PGM1: variants seen among roughly 807,000 people sequenced by gnomAD.
The protein encoded by PGM1 is phosphoglucomutase 1.
In PGM1, 52 loss-of-function variants were observed where a neutral mutation model predicts 55.6. That is an observed-to-expected ratio of 0.94 (90% confidence interval 0.75 to 1.18). The LOEUF is 1.18. PGM1 is among the 50% of genes most tolerant of loss of function. The pLI is 0.00. For missense variants in PGM1, 724 were observed against 729.3 expected, an observed-to-expected ratio of 0.99 and a Z score of 0.08; for synonymous variants, 287 against 271.7, an observed-to-expected ratio of 1.06 and a Z score of -0.55.
intron 9 of PGM1, among the ~76,000 whole-genome samples, chr1:63,653,284 G>A (rs917988366): frequency 6.6e-6 from 1 of 152,156 alleles, no homozygotes; most frequent in African/African-American, 2.4e-5. Context: ...GAATTTTAGA[G>A]GCTTCAAGTT....
intron 3 of PGM1, among the ~76,000 whole-genome samples, chr1:63,630,364 A>G (rs1174375101): frequency 1.3e-5 from 2 of 152,328 alleles, no homozygotes; most frequent in Middle Eastern, 3.4e-3. Flanking sequence ...GAAGACCTGC[A>G]GGATTACATT....
At chr1:63,648,756 A>C in intron 8 of PGM1, 104 bp downstream of exon 8, 1 of 1,242,704 alleles carries the variant, frequency 8.0e-7, no homozygotes, top group Admixed American at 1.7e-5. Flanking sequence ...ATAAAACCCT[A>C]GGTCATCCAG....
chr1:63,629,631 T>C, intron 2 of PGM1, 44 bp downstream of exon 2: 2 of 1,579,538 alleles, frequency 1.3e-6, no homozygotes, highest in Non-Finnish European at 1.7e-6. Flanking sequence ...TTACATTCAG[T>C]AGGACAAATC....
At chr1:63,659,293 C>T (rs908669119) in intron 10 of PGM1, among the ~76,000 whole-genome samples, 24 of 152,060 alleles carry the variant, frequency 1.6e-4, no homozygotes, top group African/African-American at 4.3e-4. Context: ...AGAGATTTAG[C>T]GGGGAAAAGT....
chr1:63,650,160 C>T lies in PGM1; in HGVS notation c.1280+1508C>T, dbSNP rs1031630854. The stretch of plus-strand genomic sequence containing the variant: ...CTGCATTTATGATTAGTTAAAACTC[C>T]ATTATACCTTCCACTTACTGAACAA... On this transcript the variant is annotated intron_variant, in intron 8 of 10. Transcript: ENST00000371084. Among the ~76,000 whole-genome samples the T allele has an allele frequency of 3.3e-5, 5 of 152,268 alleles. 1 individual carries two copies.
At chr1:63,643,192 G>A (rs1156879962) in intron 7 of PGM1, among the ~76,000 whole-genome samples, 2 of 152,190 alleles carry the variant, frequency 1.3e-5, no homozygotes, top group African/African-American at 4.8e-5. Flanking sequence ...GACAGAATAC[G>A]CCAGTAGAAC....
At chr1:63,649,525 G>A (rs1301046425) in intron 8 of PGM1, among the ~76,000 whole-genome samples, 1 of 152,152 alleles carries the variant, frequency 6.6e-6, no homozygotes, top group Non-Finnish European at 1.5e-5. Flanking sequence ...GAAATGAATA[G>A]GTGTAATTTC....
intron 1 of PGM1, among the ~76,000 whole-genome samples, chr1:63,602,071 A>C (rs1203789387): frequency 6.6e-6 from 1 of 152,186 alleles, no homozygotes; most frequent in African/African-American, 2.4e-5. Flanking sequence ...CAGTATGCTA[A>C]TGGTGTTGGA....
intron 10 of PGM1, chr1:63,655,908 C>T (rs1234978876): frequency 6.6e-6 from 1 of 152,400 alleles, no homozygotes; most frequent in East Asian, 1.9e-4. Flanking sequence ...AGAGGGGAAC[C>T]ACCAGGTTGC....
intron 1 of PGM1, among the ~76,000 whole-genome samples, chr1:63,607,945 G>C (rs547709023): frequency 6.6e-6 from 1 of 152,184 alleles, no homozygotes; most frequent in African/African-American, 2.4e-5. Context: ...GCCAATTTTT[G>C]TCTTTTTCCA....
chr1:63,601,502 C>T (rs1000976602), intron 1 of PGM1, among the ~76,000 whole-genome samples: 1 of 152,186 alleles, frequency 6.6e-6, no homozygotes, highest in Non-Finnish European at 1.5e-5. Context: ...TCCAAGTTCC[C>T]TTGAGGCCCA....
At chr1:63,633,659 G>A (rs1649257177) in intron 4 of PGM1, among the ~76,000 whole-genome samples, 1 of 150,898 alleles carries the variant, frequency 6.6e-6, no homozygotes, top group Non-Finnish European at 1.5e-5. Context: ...GTTTTTGGTG[G>A]TGGGTTTTTT....
intron 10 of PGM1, among the ~76,000 whole-genome samples, chr1:63,658,350 T>G (rs1012225229): frequency 2.0e-5 from 3 of 151,892 alleles, no homozygotes; most frequent in African/African-American, 2.4e-5. Flanking sequence ...TAGTAGTTTT[T>G]TTTTTTTTTT....
chr1:63,606,361 T>G (rs1648416663), intron 1 of PGM1, among the ~76,000 whole-genome samples: 1 of 152,238 alleles, frequency 6.6e-6, no homozygotes, highest in Non-Finnish European at 1.5e-5. Context: ...TAAAAGTTGA[T>G]AGTAATGGAA....
intron 1 of PGM1, among the ~76,000 whole-genome samples, chr1:63,596,439 T>G (rs564340555): frequency 6.6e-6 from 1 of 152,032 alleles, no homozygotes; most frequent in East Asian, 1.9e-4. Context: ...ATATTTTTAG[T>G]AGAGATGAGG....
At chr1:63,620,210 C>T (rs1349832722) in intron 1 of PGM1, among the ~76,000 whole-genome samples, 1 of 152,188 alleles carries the variant, frequency 6.6e-6, no homozygotes, top group African/African-American at 2.4e-5. Context: ...GGCTGCTGAA[C>T]CTGTGCCCTT....
intron 5 of PGM1, 72 bp from the exon 6 acceptor site, chr1:63,636,162 C>T: frequency 7.2e-7 from 1 of 1,385,310 alleles, no homozygotes. Context: ...TTTATAAAAC[C>T]CCCATGAAAG....
chr1:63,651,971 G>C, intron 9 of PGM1, 119 bp downstream of exon 9: 1 of 956,130 alleles, frequency 1.0e-6, no homozygotes, highest in South Asian at 1.4e-5. Context: ...TGTTTTTCTA[G>C]GGTAGCTGTT....
At chr1:63,594,792 A>T (rs1278526384) in intron 1 of PGM1, among the ~76,000 whole-genome samples, 1 of 116,628 alleles carries the variant, frequency 8.6e-6, no homozygotes, top group Non-Finnish European at 1.8e-5. Context: ...AAAATACAAA[A>T]AAAAAAAAAA....
Sources: allele counts gnomAD v4.1 joint callset (sites outside exome capture counted in the v4.1 genomes callset), GRCh38; gene constraint gnomAD v4.1.1; transcripts MANE v1.5; gene names NCBI Gene and HGNC (gene_info 2026-07-23, HGNC 2026-07-21).